Variants in KLHL29 observed in about 807,000 individuals in gnomAD.
KLHL29 encodes the protein kelch-like protein 29.
A neutral mutation model predicts 80.4 loss-of-function variants in KLHL29; 21 were observed. The observed-to-expected ratio is 0.26, with a 90% CI of 0.19 to 0.38. The LOEUF (loss-of-function observed/expected upper bound fraction) is 0.38. KLHL29 is among the 10% of genes least tolerant of loss of function. The probability of loss-of-function intolerance (pLI) is 1.00; values close to 1 mark genes in which losing one functional copy is unlikely to be tolerated. For missense variants in KLHL29, 867 were observed against 1,223.9 expected, an observed-to-expected ratio of 0.71 and a Z score of 4.35; for synonymous variants, 511 against 526.8, an observed-to-expected ratio of 0.97 and a Z score of 0.41.
chr2:23,588,872 G>A (rs553599128), intron 3 of KLHL29, among the ~76,000 whole-genome samples: 2 of 152,246 alleles, frequency 1.3e-5, no homozygotes, highest in South Asian at 2.1e-4. Flanking sequence ...TAAGCCTGCC[G>A]AGAGAGAGGC....
rs975982795 is a variant in KLHL29 at position 23,700,155 on chromosome 2, T to C, written c.2106-3031T>C. On this transcript the variant is annotated intron_variant, in intron 11 of 13. Coordinates refer to ENST00000486442, the MANE Select transcript of KLHL29 (RefSeq NM_052920.2). This position sits in a 1 kb window ranked among gnomAD's most constrained non-coding sequence, Gnocchi z 4.6. ...CTTTCATACACATTTAATCTTTCAT[T>C]ATCCAGTTGGACTCCTTCCTATTTT... is the stretch of plus-strand genomic sequence containing the variant. Among the ~76,000 whole-genome samples, 3 of 152,192 alleles carry C rather than the reference T, an allele frequency of 2.0e-5. No individual in the cohort carries two copies. Among genetic ancestry groups the C allele is most frequent in the Non-Finnish European group, 4.4e-5 (3 of 68,032 alleles).
intron 2 of KLHL29, among the ~76,000 whole-genome samples, chr2:23,484,276 A>T (rs1664872790): frequency 6.6e-6 from 1 of 152,158 alleles, no homozygotes; most frequent in African/African-American, 2.4e-5. Flanking sequence ...GAGAATGGGG[A>T]GATTTCAGCC....
chr2:23,410,734 G>A (rs1666842233), intron 1 of KLHL29, among the ~76,000 whole-genome samples: 1 of 152,000 alleles, frequency 6.6e-6, no homozygotes, highest in Non-Finnish European at 1.5e-5. Flanking sequence ...GTGGAGGAGG[G>A]CATTGCATTT....
rs566916964 is a variant in KLHL29, at chr2:23,576,787, T to G, written c.285+14306T>G. Among the ~76,000 whole-genome samples the G allele has an allele frequency of 2.6e-5, 4 of 152,338 alleles. No individual in the cohort carries two copies. In the South Asian group the frequency reaches 8.3e-4, roughly 32 times the overall value. On this transcript the variant is annotated intron_variant, in intron 3 of 13. Coordinates refer to ENST00000486442, the MANE Select transcript of KLHL29 (RefSeq NM_052920.2). The stretch of plus-strand genomic sequence containing the variant: ...AAAATCTTCCCAAGTCCAGATATTC[T>G]GTGTCCCTCGCCTCCAGTCGCTGGA...
rs569293120 is a variant in KLHL29 at position 23,669,806 on chromosome 2, C to T, written c.941-14593C>T. On this transcript the variant is annotated intron_variant, in intron 5 of 13. Coordinates refer to ENST00000486442, the MANE Select transcript of KLHL29 (RefSeq NM_052920.2). This position sits in a 1 kb window ranked among gnomAD's most constrained non-coding sequence, Gnocchi z 4.3. ...GAGTACACAGGCCTGGCCCCGCCAG[C>T]GCAGGACAGCAACTCTTGGGTAACT... is the stretch of plus-strand genomic sequence containing the variant. Among the ~76,000 whole-genome samples, 52 of 152,284 alleles carry T rather than the reference C, an allele frequency of 3.4e-4. No individual in the cohort carries two copies. Among genetic ancestry groups the T allele is most frequent in the African/African-American group, 1.2e-3 (48 of 41,552 alleles).
At chr2:23,620,419 A>G (rs1357809423) in intron 3 of KLHL29, among the ~76,000 whole-genome samples, 1 of 152,116 alleles carries the variant, frequency 6.6e-6, no homozygotes, top group African/African-American at 2.4e-5. Flanking sequence ...GAGAAGGCAG[A>G]GGTGAGGGTC....
At chr2:23,388,357 C>T (rs1218699378) in intron 1 of KLHL29, among the ~76,000 whole-genome samples, 2 of 152,118 alleles carry the variant, frequency 1.3e-5, no homozygotes, top group Non-Finnish European at 2.9e-5. Flanking sequence ...AGCATTGAGT[C>T]AGTCACTTTA....
At chr2:23,652,130 G>A (rs1188756638) in intron 5 of KLHL29, among the ~76,000 whole-genome samples, 1 of 152,230 alleles carries the variant, frequency 6.6e-6, no homozygotes, top group Admixed American at 6.5e-5. Context: ...CTACCTGTGG[G>A]TGTTTTCAGT....
intron 2 of KLHL29, among the ~76,000 whole-genome samples, chr2:23,494,021 G>A (rs1665184302): frequency 6.6e-6 from 1 of 152,172 alleles, no homozygotes; most frequent in African/African-American, 2.4e-5. Flanking sequence ...CGAAACATTA[G>A]CAAGTAATGT....
At chr2:23,496,711 A>G (rs1370155501) in intron 2 of KLHL29, among the ~76,000 whole-genome samples, 1 of 152,166 alleles carries the variant, frequency 6.6e-6, no homozygotes, top group African/African-American at 2.4e-5. Context: ...TGCTTTGGAA[A>G]TTTCTCTGGC....
intron 2 of KLHL29, among the ~76,000 whole-genome samples, chr2:23,495,817 G>A (rs1432261697): frequency 1.3e-5 from 2 of 152,228 alleles, no homozygotes; most frequent in Non-Finnish European, 2.9e-5. Context: ...TGTAGCACGC[G>A]CATGTGTTTG....
At chr2:23,439,177 C>G (rs144152413) in intron 1 of KLHL29, among the ~76,000 whole-genome samples, 1 of 143,394 alleles carries the variant, frequency 7.0e-6, no homozygotes, top group African/African-American at 2.7e-5. Flanking sequence ...CATTTTTTAT[C>G]GTGTCTATTT....
chr2:23,433,754 A>G (rs1485834676), intron 1 of KLHL29, among the ~76,000 whole-genome samples: 1 of 152,048 alleles, frequency 6.6e-6, no homozygotes, highest in Admixed American at 6.5e-5. Flanking sequence ...ATCTCTACGA[A>G]AAAAATTTTT....
In KLHL29 at chr2:23,700,340, T is replaced by C. The variant is rs1318027003; in HGVS notation, c.2106-2846T>C. On this transcript the variant is annotated intron_variant, in intron 11 of 13. Coordinates refer to ENST00000486442, the MANE Select transcript of KLHL29 (RefSeq NM_052920.2). This position sits in a 1 kb window ranked among gnomAD's most constrained non-coding sequence, Gnocchi z 4.6. Reference sequence around the variant, plus strand: ...AATTATTAAAAATTATATACACATATTAAAAACAAAGGTAATCCATACTCA... The same window carrying C: ...AATTATTAAAAATTATATACACATACTAAAAACAAAGGTAATCCATACTCA... 2.0e-5 allele frequency among the ~76,000 whole-genome samples: 3 copies of C among 152,212 alleles called. No homozygotes were observed. Among genetic ancestry groups the C allele is most frequent in the African/African-American group, 7.2e-5 (3 of 41,456 alleles).
At chr2:23,386,851 G>A (rs867113958) in intron 1 of KLHL29, among the ~76,000 whole-genome samples, 1 of 152,146 alleles carries the variant, frequency 6.6e-6, no homozygotes, top group Admixed American at 6.5e-5. Flanking sequence ...GGGGAAGGCG[G>A]GGACGCGCTG....
chr2:23,621,987 CA>C (rs780977128), intron 3 of KLHL29, among the ~76,000 whole-genome samples: 47 of 152,176 alleles, frequency 3.1e-4, no homozygotes, highest in Non-Finnish European at 8.8e-5. Context: ...AAGTCTGGTC[CA>C]AAAGGCAGGT....
intron 1 of KLHL29, among the ~76,000 whole-genome samples, chr2:23,420,435 A>G (rs1187050450): frequency 6.6e-6 from 1 of 152,208 alleles, no homozygotes; most frequent in Non-Finnish European, 1.5e-5. Flanking sequence ...GGAATCCCAC[A>G]GGAACACAGG....
rs543065178 is a variant in KLHL29, at chr2:23,549,178, G to A, written c.-45-12974G>A. Among the ~76,000 whole-genome samples the A allele has an allele frequency of 1.6e-4, 24 of 152,346 alleles. 1 individual carries two copies. The East Asian group carries it at 1.9e-3, about 12-fold the overall frequency. ...CACATCAGGAGGGGAGGACCCCAGCGGGGTGTGGTGCTCCTCGCTGCCAGT... is the reference window on the plus strand; with the variant it reads ...CACATCAGGAGGGGAGGACCCCAGCAGGGTGTGGTGCTCCTCGCTGCCAGT... On this transcript the variant is annotated intron_variant, in intron 2 of 13. Transcript: ENST00000486442.
At chr2:23,556,717 T>A (rs370131964) in intron 2 of KLHL29, among the ~76,000 whole-genome samples, 335 of 151,560 alleles carry the variant, frequency 2.2e-3, no homozygotes, top group African/African-American at 7.8e-3. Flanking sequence ...CTGGCCAGCA[T>A]CGGCTTTGCT....
Sources: gnomAD v4.1 joint callset for allele counts (sites outside exome capture counted in the v4.1 genomes callset) on GRCh38, gnomAD v4.1.1 for gene constraint, Gnocchi (gnomAD v3.1) non-coding constraint, MANE v1.5 for transcripts, NCBI Gene and HGNC (gene_info 2026-07-23, HGNC 2026-07-21) for gene names.